Variants in GRM1 observed in about 807,000 individuals in gnomAD.
GRM1 encodes the protein glutamate metabotropic receptor 1.
GRM1 carries 33 observed loss-of-function variants against 90.9 expected under a neutral mutation model. The ratio of observed to expected loss-of-function variants is 0.36; its 90% CI spans 0.28 to 0.49. The LOEUF (loss-of-function observed/expected upper bound fraction) is 0.49, where lower values mean the gene tolerates loss of function less well. GRM1 is among the 20% of genes least tolerant of loss of function. The pLI is 0.99. For missense variants in GRM1, 1,190 were observed against 1,534.3 expected (o/e 0.78, Z 3.75); for synonymous variants, 700 against 613.2 (o/e 1.14, Z -2.09).
intron 7 of GRM1, among the ~76,000 whole-genome samples, chr6:146,431,473 GA>G (rs1778404076): frequency 6.6e-6 from 1 of 152,174 alleles, no homozygotes; most frequent in Non-Finnish European, 1.5e-5. Context: ...GGGCTTTCAG[GA>G]AACAAGGTAC....
Position 146,434,590 on chromosome 6 carries a change from G to A in GRM1, c.3379G>A (p.Glu1127Lys), listed in dbSNP as rs147964155. The A allele has an allele frequency of 5.6e-6, 9 of 1,613,898 alleles. No homozygotes were observed. In the East Asian group the frequency reaches 1.8e-4, roughly 32 times the overall value. The change falls in exon 8 of 8, where the codon GAG becomes AAG. Residue 1127 changes from glutamate to lysine, a missense_variant. Coordinates refer to ENST00000282753, the MANE Select transcript of GRM1 (RefSeq NM_001278064.2). The part of the protein sequence containing the change: ...GNTEEDELEE[E>K]EEDLQAASKL... Reference sequence around the variant, plus strand: ...CACGGAAGAAGACGAACTGGAAGAGGAGGAGGAGGACCTGCAGGCGGCCAG... The same window carrying A: ...CACGGAAGAAGACGAACTGGAAGAGAAGGAGGAGGACCTGCAGGCGGCCAG...
intron 3 of GRM1, among the ~76,000 whole-genome samples, chr6:146,327,555 G>A (rs552397837): frequency 4.6e-5 from 7 of 152,118 alleles, no homozygotes; most frequent in African/African-American, 1.7e-4. Context: ...GTAAAAAATG[G>A]CTTACAAAGG....
intron 2 of GRM1, among the ~76,000 whole-genome samples, chr6:146,194,974 A>G (rs1406662038): frequency 6.6e-6 from 1 of 152,224 alleles, no homozygotes. Context: ...GTTGTAAAGA[A>G]TTAAATGAGT....
intron 3 of GRM1, among the ~76,000 whole-genome samples, chr6:146,312,071 G>A (rs891814805): frequency 6.6e-6 from 1 of 152,066 alleles, no homozygotes; most frequent in Non-Finnish European, 1.5e-5. Flanking sequence ...GCCTGGTGCG[G>A]TGGCTCACGC....
intron 3 of GRM1, among the ~76,000 whole-genome samples, chr6:146,321,217 A>G (rs1032030226): frequency 1.2e-4 from 19 of 152,086 alleles, no homozygotes; most frequent in African/African-American, 4.6e-4. Context: ...TTCTGCCTTA[A>G]TTTAGTTATA....
intron 2 of GRM1, among the ~76,000 whole-genome samples, chr6:146,191,371 G>T (rs1778930694): frequency 6.6e-6 from 1 of 152,200 alleles, no homozygotes; most frequent in Admixed American, 6.5e-5. Context: ...GATGAAGCCT[G>T]TGCTATTAGT....
chr6:146,410,738 G>A (rs952776847), intron 7 of GRM1, among the ~76,000 whole-genome samples: 3 of 152,032 alleles, frequency 2.0e-5, no homozygotes, highest in Non-Finnish European at 2.9e-5. Context: ...CTAGGCAGAG[G>A]GACCACGATG....
chr6:146,069,754 T>C (rs73576997), intron 1 of GRM1, among the ~76,000 whole-genome samples: 3,253 of 152,306 alleles, frequency 0.021, 110 homozygotes, highest in African/African-American at 0.074. Context: ...TGAAGCAATC[T>C]ATGTTGTGCC....
At chr6:146,180,011 T>C (rs1778487179) in intron 2 of GRM1, among the ~76,000 whole-genome samples, 1 of 152,020 alleles carries the variant, frequency 6.6e-6, no homozygotes, top group Non-Finnish European at 1.5e-5. Flanking sequence ...AACTGGAGTA[T>C]GGTGGTGTGC....
At chr6:146,222,672 A>G (rs1458173675) in intron 2 of GRM1, among the ~76,000 whole-genome samples, 2 of 152,130 alleles carry the variant, frequency 1.3e-5, no homozygotes, top group East Asian at 1.9e-4. Context: ...TTTTCTCAGT[A>G]TACTGATTCA....
chr6:146,033,016 T>C (rs1189633762), intron 1 of GRM1, among the ~76,000 whole-genome samples: 2 of 152,172 alleles, frequency 1.3e-5, no homozygotes, highest in Admixed American at 1.3e-4. Flanking sequence ...TTCTTTTCAA[T>C]CTTATATCAT....
At chr6:146,351,276 C>G (rs529603301) in intron 3 of GRM1, among the ~76,000 whole-genome samples, 6 of 152,166 alleles carry the variant, frequency 3.9e-5, no homozygotes, top group Admixed American at 3.3e-4. Context: ...CACATCACAT[C>G]GACCCCCTAC....
chr6:146,395,755 T>C (rs1257622048), intron 6 of GRM1, among the ~76,000 whole-genome samples: 5 of 152,186 alleles, frequency 3.3e-5, no homozygotes, highest in Non-Finnish European at 7.4e-5. Context: ...AAGTTTAAAA[T>C]GTTATACTAT....
At chr6:146,093,667 A>G (rs1776781996) in intron 1 of GRM1, among the ~76,000 whole-genome samples, 1 of 151,958 alleles carries the variant, frequency 6.6e-6, no homozygotes, top group African/African-American at 2.4e-5. Context: ...AATTCTAAAT[A>G]CTTCAGTCTC....
chr6:146,359,769 G>A (rs1018058917), intron 5 of GRM1, among the ~76,000 whole-genome samples: 1 of 152,154 alleles, frequency 6.6e-6, no homozygotes, highest in Non-Finnish European at 1.5e-5. Context: ...CATCATGTTT[G>A]TGCTATGCCC....
intron 2 of GRM1, chr6:146,171,910 C>T (rs747272039): frequency 5.9e-5 from 13 of 220,144 alleles, no homozygotes; most frequent in Middle Eastern, 4.4e-3. Flanking sequence ...TATACTCCAT[C>T]ATAGGGCATA....
intron 1 of GRM1, among the ~76,000 whole-genome samples, chr6:146,098,108 A>G (rs1234756250): frequency 6.6e-6 from 1 of 152,208 alleles, no homozygotes; most frequent in Non-Finnish European, 1.5e-5. Context: ...ATGAAACGGA[A>G]TGATTATTTT....
intron 1 of GRM1, among the ~76,000 whole-genome samples, chr6:146,036,987 A>G (rs1367153974): frequency 1.3e-5 from 2 of 151,986 alleles, no homozygotes; most frequent in African/African-American, 4.8e-5. Context: ...TTATAGGCTC[A>G]TGGGTTAAAA....
chr6:146,353,199 T>C (rs1314163352), intron 4 of GRM1, among the ~76,000 whole-genome samples: 2 of 152,208 alleles, frequency 1.3e-5, no homozygotes, highest in African/African-American at 4.8e-5. Flanking sequence ...ACATAGGAAA[T>C]TTTGTTAGTA....
Sources: allele counts gnomAD v4.1 joint callset (sites outside exome capture counted in the v4.1 genomes callset), GRCh38; gene constraint gnomAD v4.1.1; transcripts MANE v1.5; gene names NCBI Gene and HGNC (gene_info 2026-07-23, HGNC 2026-07-21).